Variants in PRKN observed in about 807,000 individuals in gnomAD.
The protein encoded by PRKN is parkin RBR E3 ubiquitin protein ligase, also known as E3 ubiquitin-protein ligase parkin.
PRKN carries 56 observed loss-of-function variants against 59.5 expected under a neutral mutation model. The ratio of observed to expected loss-of-function variants is 0.94; its 90% CI spans 0.76 to 1.18. PRKN has a LOEUF of 1.18. Among genes scored for constraint, PRKN ranks in the 50% most tolerant of loss-of-function variants. PRKN has a pLI of 0.00. For synonymous variants in PRKN, 250 were observed against 222.1 expected (o/e 1.13, Z -1.12); for missense variants, 657 against 596.4 (o/e 1.10, Z -1.06).
intron 9 of PRKN, among the ~76,000 whole-genome samples, chr6:161,523,992 T>C (rs1778929956): frequency 6.6e-6 from 1 of 152,188 alleles, no homozygotes; most frequent in African/African-American, 2.4e-5. Flanking sequence ...ATGAACACAA[T>C]TCAATCCATG....
chr6:161,655,008 G>C (rs142852374), intron 7 of PRKN, among the ~76,000 whole-genome samples: 5,552 of 151,548 alleles, frequency 0.037, 140 homozygotes, highest in Non-Finnish European at 0.053. Context: ...GCTGCAGTCA[G>C]AGCCAGACGA....
intron 1 of PRKN, among the ~76,000 whole-genome samples, chr6:162,641,564 C>T (rs1481796140): frequency 2.0e-5 from 3 of 152,120 alleles, no homozygotes; most frequent in Middle Eastern, 6.8e-3. Context: ...CACTGAACTT[C>T]GTGTTTGTTT....
chr6:162,618,603 T>C (rs1434504259), intron 1 of PRKN, among the ~76,000 whole-genome samples: 6 of 152,154 alleles, frequency 3.9e-5, no homozygotes, highest in African/African-American at 1.4e-4. Flanking sequence ...AGAGTTTTAC[T>C]GCAGACTGAT....
At chr6:161,787,759 A>C (rs1426125754) in intron 6 of PRKN, among the ~76,000 whole-genome samples, 1 of 152,160 alleles carries the variant, frequency 6.6e-6, no homozygotes, top group Non-Finnish European at 1.5e-5. Flanking sequence ...ATCCTGGCTA[A>C]CACAGCGAAA....
At chr6:161,358,678 T>A (rs1011178115) in intron 11 of PRKN, among the ~76,000 whole-genome samples, 23 of 151,930 alleles carry the variant, frequency 1.5e-4, no homozygotes, top group Non-Finnish European at 2.8e-4. Flanking sequence ...ATCACATATC[T>A]TCTCCTGGGA....
At chr6:161,676,151 C>T (rs374145211) in intron 7 of PRKN, among the ~76,000 whole-genome samples, 1 of 152,222 alleles carries the variant, frequency 6.6e-6, no homozygotes, top group Non-Finnish European at 1.5e-5. Context: ...TCTGGTGCCA[C>T]TAGAAACTGT....
intron 6 of PRKN, among the ~76,000 whole-genome samples, chr6:161,913,150 C>T (rs532098851): frequency 1.5e-5 from 2 of 132,566 alleles, no homozygotes; most frequent in African/African-American, 5.7e-5. Context: ...CTGGGCAACA[C>T]GAGCAAAACT....
chr6:161,933,087 C>G (rs1423477027), intron 6 of PRKN, among the ~76,000 whole-genome samples: 1 of 152,048 alleles, frequency 6.6e-6, no homozygotes, highest in African/African-American at 2.4e-5. Context: ...CGAGACCAGC[C>G]TGGCTAACAT....
intron 1 of PRKN, among the ~76,000 whole-genome samples, chr6:162,704,099 G>C (rs1778255014): frequency 6.6e-6 from 1 of 152,174 alleles, no homozygotes; most frequent in Non-Finnish European, 1.5e-5. Context: ...CTGAGCCTCA[G>C]TGAAAGAGTG....
In PRKN at chr6:161,399,023, C is replaced by A. The variant is rs1422932578; in HGVS notation, c.1084-12146G>T. On this transcript the variant is annotated intron_variant, in intron 9 of 11. Transcript: ENST00000366898. This position sits in a 1 kb window ranked among gnomAD's most constrained non-coding sequence, Gnocchi z 4.4. ...CCCTATCCTGTCCCTATATAAACTCCAAACCCCAGGCTCCATGAGCAGAAG... is the reference window on the plus strand; with the variant it reads ...CCCTATCCTGTCCCTATATAAACTCAAAACCCCAGGCTCCATGAGCAGAAG... Among the ~76,000 whole-genome samples, 1 of 152,248 alleles carries A rather than the reference C, an allele frequency of 6.6e-6. No homozygotes were observed. The highest frequency in any genetic ancestry group is 1.9e-4 in the East Asian group (1 of 5,170).
chr6:162,445,481 G>A (rs1790263284), intron 1 of PRKN, among the ~76,000 whole-genome samples: 2 of 151,944 alleles, frequency 1.3e-5, no homozygotes, highest in South Asian at 4.2e-4. Context: ...GAGCCCAGAA[G>A]TTCAAGACCA....
At chr6:162,360,785 A>T (rs1345941638) in intron 2 of PRKN, among the ~76,000 whole-genome samples, 1 of 152,298 alleles carries the variant, frequency 6.6e-6, no homozygotes, top group East Asian at 1.9e-4. Context: ...GCCAGTGCTT[A>T]CTAAGACCTC....
intron 8 of PRKN, among the ~76,000 whole-genome samples, chr6:161,553,511 T>G (rs893827132): frequency 3.3e-5 from 5 of 152,184 alleles, no homozygotes. Context: ...TGTACTTCTA[T>G]CAGGAAGATC....
At position 162,162,320 on chromosome 6, in the gene PRKN, G is replaced by A. The variant is rs574405302; in HGVS notation, c.534+38811C>T. Among the ~76,000 whole-genome samples the A allele has an allele frequency of 5.3e-5, 8 of 152,236 alleles. No individual in the cohort carries two copies. The South Asian group carries it at 1.0e-3, about 20-fold the overall frequency. ...AATCCAGAGATGATGTAAAATATACGGAAGGATATGCGTAGGTTATGTAAA... is the reference window on the plus strand; with the variant it reads ...AATCCAGAGATGATGTAAAATATACAGAAGGATATGCGTAGGTTATGTAAA... On this transcript the variant is annotated intron_variant, in intron 4 of 11. Transcript: ENST00000366898.
At chr6:162,269,221 T>A (rs1780266840) in intron 2 of PRKN, among the ~76,000 whole-genome samples, 1 of 152,186 alleles carries the variant, frequency 6.6e-6, no homozygotes, top group South Asian at 2.1e-4. Flanking sequence ...TTGTATGCGT[T>A]GCTCTCTGTT....
chr6:162,561,988 T>C (rs1779863492), intron 1 of PRKN, among the ~76,000 whole-genome samples: 1 of 152,144 alleles, frequency 6.6e-6, no homozygotes. Context: ...CTGGCATCAC[T>C]GCTCCCCTAA....
chr6:161,743,703 G>C (rs3019450), intron 7 of PRKN, among the ~76,000 whole-genome samples: 31 of 151,948 alleles, frequency 2.0e-4, no homozygotes, highest in Admixed American at 9.8e-4. Flanking sequence ...TGAGCCCCGA[G>C]GAAGGCCTCA....
At chr6:162,674,240 C>T (rs1011583958) in intron 1 of PRKN, among the ~76,000 whole-genome samples, 1 of 152,116 alleles carries the variant, frequency 6.6e-6, no homozygotes, top group Admixed American at 6.5e-5. Context: ...TGAAGCCCCA[C>T]CAATGTCTTC....
chr6:162,475,480 G>A (rs1263072521), intron 1 of PRKN, among the ~76,000 whole-genome samples: 1 of 152,240 alleles, frequency 6.6e-6, no homozygotes, highest in African/African-American at 2.4e-5. Context: ...TGTTACTGGA[G>A]AAGACAAAAA....
Sources: allele counts gnomAD v4.1 joint callset (sites outside exome capture counted in the v4.1 genomes callset), GRCh38; gene constraint gnomAD v4.1.1; non-coding constraint Gnocchi (gnomAD v3.1); transcripts MANE v1.5; gene names NCBI Gene and HGNC (gene_info 2026-07-23, HGNC 2026-07-21).